The following CNTNAP2 variants were observed in gnomAD, a reference collection of about 807,000 sequenced individuals.
The protein encoded by CNTNAP2 is contactin associated protein 2.
CNTNAP2 carries 98 observed loss-of-function variants against 155.2 expected under a neutral mutation model. The ratio of observed to expected loss-of-function variants is 0.63; its 90% CI spans 0.54 to 0.75. The LOEUF (loss-of-function observed/expected upper bound fraction) is 0.75. Among genes scored for constraint, CNTNAP2 ranks in the 30% least tolerant of loss-of-function variants. The probability of loss-of-function intolerance (pLI) is 0.00; values close to 1 mark genes in which losing one functional copy is unlikely to be tolerated. For missense variants in CNTNAP2, 1,727 were observed against 1,688.1 expected (o/e 1.02, Z -0.40); for synonymous variants, 651 against 631.2 (o/e 1.03, Z -0.47).
chr7:146,186,128 A>G (rs1420831394), intron 1 of CNTNAP2, among the ~76,000 whole-genome samples: 2 of 152,162 alleles, frequency 1.3e-5, no homozygotes, highest in African/African-American at 4.8e-5. Flanking sequence ...TCAATCCCAT[A>G]TCATAAAATG....
intron 2 of CNTNAP2, among the ~76,000 whole-genome samples, chr7:146,838,204 C>G (rs1393524138): frequency 6.6e-6 from 1 of 152,150 alleles, no homozygotes; most frequent in Non-Finnish European, 1.5e-5. Context: ...GAAAGTGAAG[C>G]TAGCAGAAAG....
chr7:147,470,603 G>A (rs2116607837), intron 10 of CNTNAP2, among the ~76,000 whole-genome samples: 1 of 152,246 alleles, frequency 6.6e-6, no homozygotes, highest in East Asian at 1.9e-4. Flanking sequence ...TAGCAGTAGA[G>A]ATGGTAAGAT....
intron 1 of CNTNAP2, among the ~76,000 whole-genome samples, chr7:146,119,527 G>C (rs1435256262): frequency 6.6e-6 from 1 of 152,084 alleles, no homozygotes; most frequent in Non-Finnish European, 1.5e-5. Flanking sequence ...AACAAATCGT[G>C]TATCTTCCCT....
chr7:146,708,961 A>G (rs1013226455), intron 1 of CNTNAP2, among the ~76,000 whole-genome samples: 24 of 152,118 alleles, frequency 1.6e-4, no homozygotes, highest in Admixed American at 6.6e-4. Flanking sequence ...ATAATTCAGA[A>G]GTATGAAGGT....
At chr7:146,528,363 G>A (rs915307711) in intron 1 of CNTNAP2, among the ~76,000 whole-genome samples, 1 of 152,138 alleles carries the variant, frequency 6.6e-6, no homozygotes, top group African/African-American at 2.4e-5. Context: ...CAACTGCAAA[G>A]CAGTGTAACA....
chr7:147,652,225 G>A (rs1795460450), intron 13 of CNTNAP2, among the ~76,000 whole-genome samples: 1 of 152,096 alleles, frequency 6.6e-6, no homozygotes, highest in East Asian at 1.9e-4. Context: ...CCAGTGGCTG[G>A]GTAAATAGTT....
At chr7:146,632,139 A>G (rs943953288) in intron 1 of CNTNAP2, among the ~76,000 whole-genome samples, 1 of 152,138 alleles carries the variant, frequency 6.6e-6, no homozygotes, top group Admixed American at 6.6e-5. Context: ...TCAAATGAAA[A>G]TTTAGAGAGT....
intron 18 of CNTNAP2, among the ~76,000 whole-genome samples, chr7:148,209,690 T>G (rs968257280): frequency 6.6e-6 from 1 of 152,214 alleles, no homozygotes; most frequent in African/African-American, 2.4e-5. Flanking sequence ...CTCTTTCCAA[T>G]GCATTCACCA....
At chr7:147,887,289 T>G (rs950178391) in intron 13 of CNTNAP2, among the ~76,000 whole-genome samples, 1 of 152,050 alleles carries the variant, frequency 6.6e-6, no homozygotes, top group African/African-American at 2.4e-5. Flanking sequence ...TTGGCCAACA[T>G]GGTGAAACCC....
chr7:147,045,094 C>T (rs1464634510), intron 4 of CNTNAP2, among the ~76,000 whole-genome samples: 2 of 152,148 alleles, frequency 1.3e-5, no homozygotes, highest in East Asian at 3.9e-4. Context: ...GTAAAATATA[C>T]TTTCCTCATT....
chr7:146,911,994 A>T (rs961058570), intron 3 of CNTNAP2, among the ~76,000 whole-genome samples: 6 of 152,064 alleles, frequency 3.9e-5, no homozygotes, highest in Non-Finnish European at 8.8e-5. Flanking sequence ...TTTTATAGTG[A>T]TCATTATTAA....
chr7:147,212,923 C>T (rs1803188508), intron 8 of CNTNAP2, among the ~76,000 whole-genome samples: 1 of 151,882 alleles, frequency 6.6e-6, no homozygotes, highest in Non-Finnish European at 1.5e-5. Flanking sequence ...GTGAAGTTTC[C>T]CTAACATCAG....
chr7:146,910,749 G>A (rs1189306137), intron 3 of CNTNAP2, among the ~76,000 whole-genome samples: 21 of 147,936 alleles, frequency 1.4e-4, no homozygotes, highest in African/African-American at 3.8e-4. Flanking sequence ...GCATGGGCAA[G>A]GACTTCATGT....
intron 17 of CNTNAP2, among the ~76,000 whole-genome samples, chr7:148,155,477 G>A (rs1213690460): frequency 6.6e-6 from 1 of 152,092 alleles, no homozygotes; most frequent in African/African-American, 2.4e-5. Context: ...GGATAGGAGG[G>A]ATCATAGGGT....
chr7:147,340,096 C>T (rs1486596333), intron 9 of CNTNAP2, among the ~76,000 whole-genome samples: 1 of 152,008 alleles, frequency 6.6e-6, no homozygotes, highest in Non-Finnish European at 1.5e-5. Context: ...CTTTTCTAGC[C>T]TGCATTTACA....
intron 3 of CNTNAP2, chr7:146,963,200 T>C (rs749458455): frequency 6.6e-6 from 1 of 152,208 alleles, no homozygotes. Context: ...ATAAAAATGA[T>C]CGACAAAAGT....
intron 13 of CNTNAP2, among the ~76,000 whole-genome samples, chr7:147,714,553 A>T (rs891752776): frequency 1.3e-5 from 2 of 152,052 alleles, no homozygotes; most frequent in African/African-American, 4.8e-5. Flanking sequence ...ATTATGAAAT[A>T]TTCTCTTTTT....
At chr7:147,319,359 C>T (rs191130162) in intron 9 of CNTNAP2, among the ~76,000 whole-genome samples, 1 of 151,728 alleles carries the variant, frequency 6.6e-6, no homozygotes, top group Non-Finnish European at 1.5e-5. Flanking sequence ...TTTATTTTTC[C>T]TTTGCACTTA....
intron 4 of CNTNAP2, among the ~76,000 whole-genome samples, chr7:147,069,677 G>A (rs756154278): frequency 3.2e-4 from 48 of 152,082 alleles, no homozygotes; most frequent in African/African-American, 7.0e-4. Flanking sequence ...TCTGACAATC[G>A]GAGATCCAGT....
Sources: allele counts gnomAD v4.1 joint callset (sites outside exome capture counted in the v4.1 genomes callset), GRCh38; gene constraint gnomAD v4.1.1; transcripts MANE v1.5; gene names NCBI Gene and HGNC (gene_info 2026-07-23, HGNC 2026-07-21).